Variants in AGAP1 observed in about 807,000 individuals in gnomAD.
The protein encoded by AGAP1 is arf-GAP with GTPase, ANK repeat and PH domain-containing protein 1.
Under a neutral mutation model 105.3 loss-of-function variants are expected in AGAP1, and 29 were observed. That is an observed-to-expected ratio of 0.28 (90% CI 0.21 to 0.38). The LOEUF (loss-of-function observed/expected upper bound fraction) is 0.38. Among genes scored for constraint, AGAP1 ranks in the 10% least tolerant of loss-of-function variants. The pLI is 1.00. For synonymous variants in AGAP1, 509 were observed against 485.9 expected (o/e 1.05, Z -0.63); for missense variants, 998 against 1,165.1 (o/e 0.86, Z 2.09).
rs1441365160 is a variant in AGAP1, at chr2:235,957,490, A to G, written c.1484-10972A>G. Among the ~76,000 whole-genome samples, 1 of 152,118 alleles carries G rather than the reference A, an allele frequency of 6.6e-6. No homozygotes were observed. The highest frequency in any genetic ancestry group is 1.9e-4 in the East Asian group (1 of 5,196). On this transcript the variant is annotated intron_variant, in intron 12 of 17. Coordinates refer to ENST00000304032, the MANE Select transcript of AGAP1 (RefSeq NM_001037131.3). The surrounding 1 kb of genome is among the most constrained non-coding windows in gnomAD (Gnocchi z 4.6). ...CTCTGACATTGTGTACCTCTGTGTG[A>G]GCGGCAAAGGGAAAGGGACAATAAT...
rs1480272808 is a variant in AGAP1, at chr2:236,036,443, C to T, written c.1646-118C>T. The T allele has an allele frequency of 1.3e-5, 17 of 1,342,468 alleles. No individual in the cohort carries two copies. Among genetic ancestry groups the T allele is most frequent in the Admixed American group, 2.1e-5 (1 of 47,824 alleles). 83.2% of individuals were successfully genotyped at this position (1,342,468 alleles called of 1,614,324 possible). A position where few individuals can be genotyped will look rare whatever the true frequency, so the allele number is the denominator to read the frequency against. ...GCCGCCGTGGTTGTCCAGTGCCGTG[C>T]GCCTCACCGGTCCATGCAGGGGCAG... On this transcript the variant is annotated intron_variant, in intron 13 of 17. Transcript: ENST00000304032. This position sits in a 1 kb window ranked among gnomAD's most constrained non-coding sequence, Gnocchi z 5.7.
chr2:235,722,570 A>G (rs1951442282), intron 3 of AGAP1, among the ~76,000 whole-genome samples: 2 of 152,122 alleles, frequency 1.3e-5, no homozygotes, highest in Non-Finnish European at 2.9e-5. Context: ...TTTCCTGGCT[A>G]TCTGTGACTG....
At chr2:235,746,931 AGGGAGTGTCTGAGATCCC>A (rs1255510352) in intron 5 of AGAP1, among the ~76,000 whole-genome samples, 1 of 152,138 alleles carries the variant, frequency 6.6e-6, no homozygotes, top group African/African-American at 2.4e-5. Flanking sequence ...ATCAGTAGGA[AGGGAGTGTCTGAGATCCC>A]GGGAGTTGGG....
Position 235,660,449 on chromosome 2 carries a change from T to A in AGAP1, c.164-48730T>A, listed in dbSNP as rs1360914037. On this transcript the variant is annotated intron_variant, in intron 1 of 17. Transcript: ENST00000304032. The surrounding 1 kb of genome is among the most constrained non-coding windows in gnomAD (Gnocchi z 5.3). Reference sequence around the variant, plus strand: ...ATAAGGGCTTGAGGGTGAGAGAAGTTGTCCTTAACTGAAGGAGGGGGTTCT... The same window carrying A: ...ATAAGGGCTTGAGGGTGAGAGAAGTAGTCCTTAACTGAAGGAGGGGGTTCT... 6.6e-6 allele frequency among the ~76,000 whole-genome samples: 1 copy of A among 152,138 alleles called. No homozygotes were observed. The highest frequency in any genetic ancestry group is 1.5e-5 in the Non-Finnish European group (1 of 68,034).
intron 11 of AGAP1, among the ~76,000 whole-genome samples, chr2:235,910,244 T>A (rs2051528546): frequency 6.6e-6 from 1 of 152,308 alleles, no homozygotes. Context: ...AGCTGGTTCC[T>A]TCCCACCACA....
At chr2:235,819,904 C>T (rs935440045) in intron 9 of AGAP1, among the ~76,000 whole-genome samples, 29 of 130,194 alleles carry the variant, frequency 2.2e-4, no homozygotes, top group Admixed American at 5.7e-4. Context: ...TTCTTTCTTT[C>T]TTTTTTTTTT....
At position 235,716,837 on chromosome 2, in the gene AGAP1, T is replaced by G. The variant is rs1288306212; in HGVS notation, c.223-720T>G. Among the ~76,000 whole-genome samples the G allele has an allele frequency of 1.3e-5, 2 of 152,060 alleles. No homozygotes were observed. Among genetic ancestry groups the G allele is most frequent in the Non-Finnish European group, 2.9e-5 (2 of 67,994 alleles). ...TGAAGAATCCCCTGGAAAGTCAGCCTTGCCGCCAGGTTACTGCTAGGACAG... is the reference window on the plus strand; with the variant it reads ...TGAAGAATCCCCTGGAAAGTCAGCCGTGCCGCCAGGTTACTGCTAGGACAG... On this transcript the variant is annotated intron_variant, in intron 2 of 17. Transcript: ENST00000304032. This position sits in a 1 kb window ranked among gnomAD's most constrained non-coding sequence, Gnocchi z 4.0.
At chr2:235,797,380 G>A (rs1204325514) in intron 6 of AGAP1, among the ~76,000 whole-genome samples, 6 of 151,992 alleles carry the variant, frequency 3.9e-5, no homozygotes, top group South Asian at 2.1e-4. Flanking sequence ...GTGTCGCCTC[G>A]TGTTCCACAG....
intron 1 of AGAP1, among the ~76,000 whole-genome samples, chr2:235,695,630 C>T (rs1475427456): frequency 1.3e-5 from 2 of 152,146 alleles, no homozygotes; most frequent in Non-Finnish European, 2.9e-5. Context: ...CCTAGGTCTG[C>T]CTGTAAGCAT....
At chr2:235,759,404 C>T (rs753290761) in intron 6 of AGAP1, among the ~76,000 whole-genome samples, 39 of 149,724 alleles carry the variant, frequency 2.6e-4, no homozygotes, top group Middle Eastern at 8.2e-3. Context: ...CTCCTGACCT[C>T]GTGATCCGCC....
rs1322931958 is a variant in AGAP1 at position 236,045,911 on chromosome 2, C to T, written c.1892-3148C>T. On this transcript the variant is annotated intron_variant, in intron 15 of 17. Transcript: ENST00000304032. The surrounding 1 kb of genome is among the most constrained non-coding windows in gnomAD (Gnocchi z 6.9). The stretch of plus-strand genomic sequence containing the variant: ...GAGCATGGGGCCCTGGAACACTGTG[C>T]CCCCGCCCCCTGCAACATTTTGGGT... 1 of 470,322 alleles carries T rather than the reference C, an allele frequency of 2.1e-6. No homozygotes were observed. Among genetic ancestry groups the T allele is most frequent in the South Asian group, 1.6e-5 (1 of 64,380 alleles). 29.1% of individuals were successfully genotyped at this position (470,322 alleles called of 1,614,324 possible). A position where few individuals can be genotyped will look rare whatever the true frequency, so the allele number is the denominator to read the frequency against.
chr2:235,930,842 A>T lies in AGAP1; in HGVS notation c.1402A>T (p.Met468Leu). 3.7e-6 allele frequency: 6 copies of T among 1,614,148 alleles called. No individual in the cohort carries two copies. The highest frequency in any genetic ancestry group is 5.1e-6 in the Non-Finnish European group (6 of 1,180,016). The stretch of plus-strand genomic sequence containing the variant: ...CTCCTTCAACAGCCGACCCGACGGC[A>T]TGCACCAGCGCTCCTACTCAGTCTC... ...LVSFNSRPDG[M>L]HQRSYSVSSA... The change falls in exon 12 of 18, where the codon ATG becomes TTG. Residue 468 changes from methionine (M) to leucine (L), a missense_variant. Coordinates refer to ENST00000304032, the MANE Select transcript of AGAP1 (RefSeq NM_001037131.3). This position sits in a 1 kb window ranked among gnomAD's most constrained non-coding sequence, Gnocchi z 7.9.
At position 235,692,936 on chromosome 2, in the gene AGAP1, A is replaced by G. The variant is rs1949807036; in HGVS notation, c.164-16243A>G. Among the ~76,000 whole-genome samples the G allele has an allele frequency of 6.6e-6, 1 of 151,960 alleles. No homozygotes were observed. Among genetic ancestry groups the G allele is most frequent in the African/African-American group, 2.4e-5 (1 of 41,386 alleles). ...AGGACCTGTTGCTGTCGGTGGTGGC[A>G]TCAGTGGAGTTGGCAGGTACTGTGC... is the stretch of plus-strand genomic sequence containing the variant. On this transcript the variant is annotated intron_variant, in intron 1 of 17. Transcript: ENST00000304032. This position sits in a 1 kb window ranked among gnomAD's most constrained non-coding sequence, Gnocchi z 5.8.
At chr2:236,067,999 T>C (rs776317455) in intron 16 of AGAP1, among the ~76,000 whole-genome samples, 1 of 152,142 alleles carries the variant, frequency 6.6e-6, no homozygotes, top group Admixed American at 6.6e-5. Context: ...TGGCTGGGTG[T>C]GGTGGCTCAC....
chr2:235,616,670 C>T (rs986902586), intron 1 of AGAP1, among the ~76,000 whole-genome samples: 1 of 152,102 alleles, frequency 6.6e-6, no homozygotes, highest in Non-Finnish European at 1.5e-5. Flanking sequence ...TCCTGCCCCA[C>T]CTGTGGTTTC....
rs1559316748 is a variant in AGAP1 at position 235,653,464 on chromosome 2, CAAAAATAAA to C, written c.164-55714_164-55706del. Among the ~76,000 whole-genome samples, 912 of 147,582 alleles carry C rather than the reference CAAAAATAAA, an allele frequency of 6.2e-3. 11 individuals carry two copies. Among genetic ancestry groups the C allele is most frequent in the African/African-American group, 0.021 (849 of 39,702 alleles). On this transcript the variant is annotated intron_variant, in intron 1 of 17. Transcript: ENST00000304032. Reference sequence around the variant, plus strand: ...GGGCGAAAGAGCGAAGCCTCCATCTCAAAAATAAATAAAATAAAATAAAATAAAATAAAA... The same window carrying C: ...GGGCGAAAGAGCGAAGCCTCCATCTCTAAAATAAAATAAAATAAAATAAAA...
intron 6 of AGAP1, among the ~76,000 whole-genome samples, chr2:235,779,719 G>T (rs1246083671): frequency 6.6e-6 from 1 of 152,204 alleles, no homozygotes; most frequent in East Asian, 1.9e-4. Context: ...CAGACTGAAG[G>T]TGAAAACCAG....
intron 13 of AGAP1, among the ~76,000 whole-genome samples, chr2:236,019,254 T>C (rs2056809752): frequency 6.6e-6 from 1 of 152,168 alleles, no homozygotes; most frequent in African/African-American, 2.4e-5. Flanking sequence ...CGCTGGGTGC[T>C]GGGGCAATGG....
chr2:235,585,033 C>T (rs1945060600), intron 1 of AGAP1, among the ~76,000 whole-genome samples: 2 of 150,740 alleles, frequency 1.3e-5, no homozygotes, highest in Admixed American at 1.3e-4. Context: ...CTTTCTGACT[C>T]TCTGAGAGAG....
Sources: allele counts gnomAD v4.1 joint callset (sites outside exome capture counted in the v4.1 genomes callset), GRCh38; gene constraint gnomAD v4.1.1; non-coding constraint Gnocchi (gnomAD v3.1); transcripts MANE v1.5; gene names NCBI Gene and HGNC (gene_info 2026-07-23, HGNC 2026-07-21).